The following SGSM3 variants were observed in gnomAD, a reference collection of about 807,000 sequenced individuals.
The protein encoded by SGSM3 is RUN and SH3 containing 3.
Under a neutral mutation model 100.5 loss-of-function variants are expected in SGSM3, and 96 were observed. The observed-to-expected ratio is 0.96, with a 90% CI of 0.81 to 1.13. The LOEUF (loss-of-function observed/expected upper bound fraction) is 1.13, where lower values mean the gene tolerates loss of function less well. SGSM3 is among the 50% of genes most tolerant of loss of function. The pLI is 0.00. For missense variants in SGSM3, 1,001 were observed against 1,015.8 expected, an observed-to-expected ratio of 0.99 and a Z score of 0.20; for synonymous variants, 483 against 422.8, an observed-to-expected ratio of 1.14 and a Z score of -1.75.
chr22:40,408,218 G>A (rs991315778), intron 15 of SGSM3, 59 bp from the exon 16 acceptor site: 2 of 1,607,958 alleles, frequency 1.2e-6, no homozygotes, highest in Non-Finnish European at 1.7e-6. Flanking sequence ...AGAGGACAGA[G>A]GAGGGTGACT....
chr22:40,405,839 A>T lies in SGSM3; in HGVS notation c.809A>T (p.Asp270Val). ...PRLDKLLQEH[D>V]IELSLITLHW... ...CTGGACAAGCTGCTCCAGGAGCATG[A>T]CATTGGTAAGGCGCCCCTGAGCCAC... is the stretch of plus-strand genomic sequence containing the variant. The change falls in exon 8 of 22, where the codon GAC (aspartate) becomes GTC (valine). Residue 270 changes from aspartate (D) to valine (V), a missense_variant. Physicochemically the swap from Asp to Val is radical, Grantham distance 152. Transcript: ENST00000248929. 6.2e-7 allele frequency: 1 copy of T among 1,608,690 alleles called. No individual in the cohort carries two copies. The highest frequency in any genetic ancestry group is 8.5e-7 in the Non-Finnish European group (1 of 1,176,562).
rs1170843586 is a variant in SGSM3, at chr22:40,391,202, CAG to C, written c.-111-9491_-111-9490del. 9.8e-5 allele frequency among the ~76,000 whole-genome samples: 15 copies of C among 152,314 alleles called. No individual in the cohort carries two copies. The East Asian group carries it at 2.9e-3, about 29-fold the overall frequency. On this transcript the variant is annotated intron_variant, in intron 1 of 21. Transcript: ENST00000248929. ...AAGCATCCGCATCACCTGGGAGAGG[CAG>C]AGTCTCAGGTCCTACTCACACCTGC...
At chr22:40,378,602 G>A (rs778173645) in intron 1 of SGSM3, among the ~76,000 whole-genome samples, 2 of 151,752 alleles carry the variant, frequency 1.3e-5, no homozygotes, top group South Asian at 2.1e-4. Flanking sequence ...GTGTGGTGGC[G>A]CATGCCTGTA....
chr22:40,395,029 C>T (rs1259056539), intron 1 of SGSM3, among the ~76,000 whole-genome samples: 1 of 152,232 alleles, frequency 6.6e-6, no homozygotes. Flanking sequence ...CATTTTCTCA[C>T]TTAACCTCAT....
chr22:40,405,973 C>CCCCCT, intron 8 of SGSM3, 105 bp from the exon 9 acceptor site: 1 of 1,501,072 alleles, frequency 6.7e-7, no homozygotes, highest in Non-Finnish European at 9.1e-7. Context: ...GTGTTCCCTG[C>CCCCCT]CCCCTCCCCT....
chr22:40,406,839 C>T (rs954684246), intron 10 of SGSM3, 177 bp downstream of exon 10: 12 of 863,330 alleles, frequency 1.4e-5, no homozygotes, highest in Non-Finnish European at 2.0e-5. Context: ...GCTTTGTGCA[C>T]CTCAGGTTCT....
At chr22:40,404,763 G>A (rs1356545812) in intron 6 of SGSM3, 99 bp downstream of exon 6, 1 of 820,940 alleles carries the variant, frequency 1.2e-6, no homozygotes, top group Admixed American at 2.2e-5. Flanking sequence ...CCTTGTTGTG[G>A]GGTAGGGGAG....
At chr22:40,397,488 G>A (rs1047425846) in intron 1 of SGSM3, among the ~76,000 whole-genome samples, 1 of 152,062 alleles carries the variant, frequency 6.6e-6, no homozygotes, top group African/African-American at 2.4e-5. Flanking sequence ...CTTTCACCCT[G>A]ACTAATCCAA....
chr22:40,400,863 G>A (rs1322714764), intron 2 of SGSM3, 50 bp downstream of exon 2: 2 of 1,496,536 alleles, frequency 1.3e-6, no homozygotes, highest in East Asian at 2.6e-5. Flanking sequence ...TCTCACAGAG[G>A]AGCCAGAGGG....
At position 40,407,744 on chromosome 22, in the gene SGSM3, C is replaced by T. The variant is rs112435981; in HGVS notation, c.1525-45C>T. On this transcript the variant is annotated intron_variant, in intron 13 of 21. Coordinates refer to ENST00000248929, the MANE Select transcript of SGSM3 (RefSeq NM_015705.6). This position sits in a 1 kb window ranked among gnomAD's most constrained non-coding sequence, Gnocchi z 4.7. ...TATCGGGGGTGCAGGAGGCGCTGGC[C>T]CAGGGCACCCAGCTTTGGTTCCTGC... 1.3e-3 allele frequency: 2,042 copies of T among 1,609,332 alleles called. 4 individuals are homozygous for T. The highest frequency in any genetic ancestry group is 5.4e-3 in the Middle Eastern group (33 of 6,058).
chr22:40,393,470 C>T (rs1043147619), intron 1 of SGSM3, among the ~76,000 whole-genome samples: 3 of 152,172 alleles, frequency 2.0e-5, no homozygotes, highest in Non-Finnish European at 2.9e-5. Context: ...CTGATGATTC[C>T]ACTTTTCTTC....
chr22:40,409,090 T>C (rs1208556166), intron 19 of SGSM3, 72 bp downstream of exon 19: 35 of 1,551,996 alleles, frequency 2.3e-5, no homozygotes, highest in Non-Finnish European at 3.0e-5. Flanking sequence ...GGGGGGTCCT[T>C]ACAGGGAACC....
chr22:40,388,916 G>A (rs1227444652), intron 1 of SGSM3, among the ~76,000 whole-genome samples: 1 of 152,170 alleles, frequency 6.6e-6, no homozygotes, highest in Non-Finnish European at 1.5e-5. Context: ...AGGTTCATGA[G>A]GAAAGGTGAT....
chr22:40,406,226 G>A lies in SGSM3; in HGVS notation c.960+3G>A, dbSNP rs757530453. 5 of 1,613,686 alleles carry A rather than the reference G, an allele frequency of 3.1e-6. No individual in the cohort carries two copies. The African/African-American group carries it at 6.7e-5, about 22-fold the overall frequency. On this transcript the variant is annotated splice_donor_region_variant and intron_variant, in intron 9 of 21. Coordinates refer to ENST00000248929, the MANE Select transcript of SGSM3 (RefSeq NM_015705.6). ...CGCTGGGCATGCTGCACCTCAAGGT[G>A]CTCCACGGCCCCACTTCAGGCTGAG...
At chr22:40,371,396 A>G (rs947943907) in intron 1 of SGSM3, among the ~76,000 whole-genome samples, 1 of 152,142 alleles carries the variant, frequency 6.6e-6, no homozygotes, top group African/African-American at 2.4e-5. Flanking sequence ...TGGTGGGTTG[A>G]TGGCTCTTTT....
At chr22:40,404,478 C>A in intron 5 of SGSM3, 23 bp downstream of exon 5, 1 of 1,609,242 alleles carries the variant, frequency 6.2e-7, no homozygotes. Context: ...CAGGGACCCA[C>A]AGGGTGTTGA....
At chr22:40,383,255 C>G (rs993643752) in intron 1 of SGSM3, among the ~76,000 whole-genome samples, 5 of 151,980 alleles carry the variant, frequency 3.3e-5, no homozygotes, top group Admixed American at 2.6e-4. Flanking sequence ...ATCACGAGGT[C>G]AGGAGATCAA....
rs551306305 is a variant in SGSM3, at chr22:40,408,835, T to C, written c.1895T>C (p.Leu632Pro). ...AAAGTCCTGACCCCGGAGGAGCTGC[T>C]CTACCGGGTAAGGGGGCCTCCTCTG... ...DGKVLTPEEL[L>P]YRAVQSVNVT... The change falls in exon 18 of 22, where the codon CTC (leucine) becomes CCC (proline). Residue 632 changes from leucine (L) to proline (P), a missense_variant. Leu to Pro is a moderately conservative substitution (Grantham distance 98, BLOSUM62 -3). Coordinates refer to ENST00000248929, the MANE Select transcript of SGSM3 (RefSeq NM_015705.6). 3 of 1,613,676 alleles carry C rather than the reference T, an allele frequency of 1.9e-6. No homozygotes were observed. In the South Asian group the frequency reaches 3.3e-5, roughly 18 times the overall value.
chr22:40,377,109 T>C (rs1254392067), intron 1 of SGSM3, among the ~76,000 whole-genome samples: 3 of 152,220 alleles, frequency 2.0e-5, no homozygotes, highest in Non-Finnish European at 1.5e-5. Flanking sequence ...TTAGTAGACA[T>C]AAGTTGTTTT....
Sources: gnomAD v4.1 joint callset for allele counts (sites outside exome capture counted in the v4.1 genomes callset) on GRCh38, gnomAD v4.1.1 for gene constraint, Gnocchi (gnomAD v3.1) non-coding constraint, MANE v1.5 for transcripts, NCBI Gene and HGNC (gene_info 2026-07-23, HGNC 2026-07-21) for gene names.